The following MGAT4C variants were observed in gnomAD, a reference collection of about 807,000 sequenced individuals.
MGAT4C encodes the protein alpha-1,3-mannosyl-glycoprotein 4-beta-N-acetylglucosaminyltransferase C.
In MGAT4C, 19 loss-of-function variants were observed where a neutral mutation model predicts 40.1. The ratio of observed to expected loss-of-function variants is 0.47; its 90% CI spans 0.33 to 0.70. The LOEUF is 0.70. MGAT4C is among the 30% of genes least tolerant of loss of function. MGAT4C has a pLI of 0.02. For missense variants in MGAT4C, 491 were observed against 563.2 expected, an observed-to-expected ratio of 0.87 and a Z score of 1.30; for synonymous variants, 181 against 187.1, an observed-to-expected ratio of 0.97 and a Z score of 0.27.
At chr12:86,421,213 A>C (rs2136256505) in intron 3 of MGAT4C, among the ~76,000 whole-genome samples, 2 of 152,238 alleles carry the variant, frequency 1.3e-5, no homozygotes, top group Middle Eastern at 3.4e-3. Context: ...TAACAGCATT[A>C]ATGATCAGAT....
chr12:86,630,753 C>G (rs190245000), intron 2 of MGAT4C, among the ~76,000 whole-genome samples: 4 of 152,208 alleles, frequency 2.6e-5, no homozygotes, highest in African/African-American at 9.6e-5. Flanking sequence ...GATTGTATCT[C>G]AAAATAATAA....
intron 2 of MGAT4C, among the ~76,000 whole-genome samples, chr12:86,692,590 A>T (rs1452831283): frequency 7.9e-5 from 12 of 152,234 alleles, no homozygotes; most frequent in Non-Finnish European, 1.6e-4. Context: ...GGAGATGAAA[A>T]TAGTCACAGA....
intron 4 of MGAT4C, among the ~76,000 whole-genome samples, chr12:86,280,330 T>C (rs1191774487): frequency 6.6e-6 from 1 of 151,996 alleles, no homozygotes; most frequent in Non-Finnish European, 1.5e-5. Context: ...CAGTGTTGGG[T>C]GCATATATAT....
intron 2 of MGAT4C, among the ~76,000 whole-genome samples, chr12:86,022,298 A>G (rs1429887464): frequency 6.6e-6 from 1 of 152,222 alleles, no homozygotes; most frequent in African/African-American, 2.4e-5. Context: ...AACATTTTAA[A>G]TGGTTACTCA....
intron 1 of MGAT4C, among the ~76,000 whole-genome samples, chr12:86,796,354 C>T (rs564139495): frequency 1.3e-5 from 2 of 152,028 alleles, no homozygotes; most frequent in African/African-American, 2.4e-5. Context: ...ACAACATGCC[C>T]TTGCAGTGTT....
At chr12:86,461,150 C>T (rs1317640824) in intron 2 of MGAT4C, among the ~76,000 whole-genome samples, 2 of 151,398 alleles carry the variant, frequency 1.3e-5, no homozygotes, top group Non-Finnish European at 2.9e-5. Context: ...AAAATACCTA[C>T]TTTATATATT....
intron 2 of MGAT4C, among the ~76,000 whole-genome samples, chr12:86,655,954 G>C (rs1334191732): frequency 2.0e-5 from 3 of 152,034 alleles, no homozygotes; most frequent in East Asian, 3.9e-4. Context: ...GAGTTTGCCT[G>C]ATAAGTTTAT....
At chr12:86,556,931 A>G (rs1386482438) in intron 2 of MGAT4C, among the ~76,000 whole-genome samples, 1 of 152,108 alleles carries the variant, frequency 6.6e-6, no homozygotes, top group Non-Finnish European at 1.5e-5. Context: ...TTATTCGACT[A>G]TTTTTTTAAG....
At position 86,169,055 on chromosome 12, in the gene MGAT4C, C is replaced by T. The variant is rs1420709067; in HGVS notation, c.-57+87184G>A. On this transcript the variant is annotated intron_variant, in intron 1 of 4. Coordinates refer to ENST00000611864, the MANE Select transcript of MGAT4C (RefSeq NM_001351288.2). ...CTGCCCCCAAAACATGTCAAAGTCTCTTGATAAATTCAGGCGCCAGAAGTT... is the reference window on the plus strand; with the variant it reads ...CTGCCCCCAAAACATGTCAAAGTCTTTTGATAAATTCAGGCGCCAGAAGTT... Among the ~76,000 whole-genome samples the T allele has an allele frequency of 2.0e-5, 3 of 152,050 alleles. No homozygotes were observed. In the East Asian group the frequency reaches 5.8e-4, roughly 29 times the overall value.
chr12:86,520,823 TA>T (rs34503189), intron 2 of MGAT4C, among the ~76,000 whole-genome samples: 9,721 of 152,192 alleles, frequency 0.064, 737 homozygotes, highest in East Asian at 0.23. Flanking sequence ...ATTTCTCAAA[TA>T]ATCACTGACA....
At chr12:86,590,704 T>C (rs562250885) in intron 2 of MGAT4C, among the ~76,000 whole-genome samples, 1 of 151,816 alleles carries the variant, frequency 6.6e-6, no homozygotes, top group African/African-American at 2.4e-5. Context: ...CAAAAAAAAA[T>C]TGAGAGATCA....
chr12:86,698,327 A>T (rs1565932414), intron 2 of MGAT4C, among the ~76,000 whole-genome samples: 1 of 152,038 alleles, frequency 6.6e-6, no homozygotes, highest in Admixed American at 6.6e-5. Context: ...AATAAGTGAA[A>T]ATTTTTTAAA....
intron 1 of MGAT4C, among the ~76,000 whole-genome samples, chr12:86,238,645 C>G (rs1951651121): frequency 6.6e-6 from 1 of 151,836 alleles, no homozygotes; most frequent in African/African-American, 2.4e-5. Flanking sequence ...AATATTTCAT[C>G]CAGCACAATA....
At chr12:86,258,053 A>T (rs538414710), upstream of MGAT4C, among the ~76,000 whole-genome samples, 10 of 152,222 alleles carry the variant, frequency 6.6e-5, no homozygotes, top group South Asian at 2.1e-3. Flanking sequence ...GAAAACAATC[A>T]AATGCGTTAA....
chr12:86,402,705 CAT>C (rs1270609741), intron 3 of MGAT4C, among the ~76,000 whole-genome samples: 3 of 152,086 alleles, frequency 2.0e-5, no homozygotes, highest in Non-Finnish European at 4.4e-5. Context: ...TAGACTCTAA[CAT>C]ATAGTAGGCA....
At chr12:86,668,907 C>T (rs1274168617) in intron 2 of MGAT4C, among the ~76,000 whole-genome samples, 1 of 152,180 alleles carries the variant, frequency 6.6e-6, no homozygotes, top group Admixed American at 6.5e-5. Context: ...GCTCCACCCC[C>T]AGACAGAAAT....
chr12:86,826,194 G>A (rs561754835), intron 1 of MGAT4C, among the ~76,000 whole-genome samples: 1 of 151,464 alleles, frequency 6.6e-6, no homozygotes, highest in East Asian at 2.0e-4. Context: ...TGCCTAATTT[G>A]CACATAAGCC....
intron 1 of MGAT4C, among the ~76,000 whole-genome samples, chr12:86,191,628 AC>A (rs1889465653): frequency 1.1e-5 from 1 of 91,112 alleles, no homozygotes. Flanking sequence ...AAAACAAAAA[AC>A]AAAACACACA....
intron 3 of MGAT4C, among the ~76,000 whole-genome samples, chr12:86,383,205 T>C (rs773475261): frequency 3.3e-5 from 5 of 152,164 alleles, no homozygotes; most frequent in African/African-American, 4.8e-5. Context: ...TGCATCAGCG[T>C]GACCTGGACA....
Sources: allele counts gnomAD v4.1 joint callset (sites outside exome capture counted in the v4.1 genomes callset), GRCh38; gene constraint gnomAD v4.1.1; transcripts MANE v1.5; gene names NCBI Gene and HGNC (gene_info 2026-07-23, HGNC 2026-07-21).